ASPM: variants seen among roughly 807,000 people sequenced by gnomAD.
ASPM encodes assembly factor for spindle microtubules, also known as abnormal spindle-like microcephaly-associated protein.
Under a neutral mutation model 366.4 loss-of-function variants are expected in ASPM, and 256 were observed. The ratio of observed to expected loss-of-function variants is 0.70; its 90% CI spans 0.63 to 0.77. The LOEUF is 0.77. Ranked by LOEUF, ASPM falls within the 30% of genes least tolerant of loss-of-function variation. The probability of loss-of-function intolerance (pLI) is 0.00; values close to 1 mark genes in which losing one functional copy is unlikely to be tolerated. For missense variants in ASPM, 4,146 were observed against 4,090.4 expected (o/e 1.01, Z -0.37); for synonymous variants, 1,414 against 1,342.9 (o/e 1.05, Z -1.16).
At chr1:197,129,747 T>C (rs776512779) in intron 8 of ASPM, among the ~76,000 whole-genome samples, 168 bp downstream of exon 8, 8 of 151,928 alleles carry the variant, frequency 5.3e-5, no homozygotes, top group Non-Finnish European at 1.2e-4. Flanking sequence ...TAAATAGTGA[T>C]GGAGGAATTA....
At chr1:197,114,186 G>T (rs1278395599) in intron 17 of ASPM, among the ~76,000 whole-genome samples, 3 of 152,166 alleles carry the variant, frequency 2.0e-5, no homozygotes, top group Admixed American at 1.3e-4. Flanking sequence ...TCTATTAAGT[G>T]TGCAAAACCA....
At chr1:197,124,984 T>A in intron 11 of ASPM, 29 bp from the exon 12 acceptor site, 1 of 1,607,276 alleles carries the variant, frequency 6.2e-7, no homozygotes, top group Non-Finnish European at 8.5e-7. Context: ...TCCATTAGCA[T>A]AATGTACGCA....
chr1:197,146,206 T>G lies in ASPM; in HGVS notation c.232A>C (p.Lys78Gln). The change falls in exon 1 of 28, where the codon AAG becomes CAG. Residue 78 changes from lysine (K) to glutamine (Q), a missense_variant. This residue lies in a region of ASPM where 512 missense variants were observed against 471.7 expected (regional missense o/e 1.09). Transcript: ENST00000367409. Reference sequence around the variant, plus strand: ...TCCGCGGCCGGGAAGTGGGAGATCTTCACTTCTGCCACCTCCTCGTTAGGG... The same window carrying G: ...TCCGCGGCCGGGAAGTGGGAGATCTGCACTTCTGCCACCTCCTCGTTAGGG... ...DNPNEEVAEV[K>Q]ISHFPAADLG... 1 of 1,613,110 alleles carries G rather than the reference T, an allele frequency of 6.2e-7. No homozygotes were observed. Among genetic ancestry groups the G allele is most frequent in the Non-Finnish European group, 8.5e-7 (1 of 1,179,680 alleles).
At chr1:197,136,462 T>C (rs2125110987) in intron 4 of ASPM, among the ~76,000 whole-genome samples, 1 of 152,288 alleles carries the variant, frequency 6.6e-6, no homozygotes, top group South Asian at 2.1e-4. Flanking sequence ...TGGTGTACAA[T>C]GAATAAAGAT....
At position 197,142,508 on chromosome 1, in the gene ASPM, C is replaced by T; in HGVS notation, c.1744G>A (p.Glu582Lys). The T allele has an allele frequency of 6.2e-7, 1 of 1,614,034 alleles. No homozygotes were observed. Among genetic ancestry groups the T allele is most frequent in the Non-Finnish European group, 8.5e-7 (1 of 1,179,892 alleles). Residue 582 changes from glutamate (E) to lysine (K), a missense_variant, in exon 3 of 28, where the codon GAA becomes AAA. Physicochemically the swap from Glu to Lys is moderately conservative, Grantham distance 56. Coordinates refer to ENST00000367409, the MANE Select transcript of ASPM (RefSeq NM_018136.5). ...ATTGCAACTCTCACATTTGCATCTT[C>T]CATGCTTCCATCGCTCTTTCTTTTC... is the stretch of plus-strand genomic sequence containing the variant. The part of the protein sequence containing the change: ...ARKRKSDGSM[E>K]DANVRVAITE...
chr1:197,093,983 C>A (rs1404855622), intron 20 of ASPM, 101 bp downstream of exon 20: 4 of 777,624 alleles, frequency 5.1e-6, no homozygotes, highest in Non-Finnish European at 8.1e-6. Context: ...ACTTTTTTTC[C>A]AGCGAAGGAT....
At position 197,117,904 on chromosome 1, in the gene ASPM, T is replaced by C. The variant is rs2125102495; in HGVS notation, c.3950A>G (p.Asn1317Ser). The C allele has an allele frequency of 6.2e-7, 1 of 1,613,554 alleles. No homozygotes were observed. The highest frequency in any genetic ancestry group is 2.2e-5 in the East Asian group (1 of 44,832). ...LAKQRLRKRV[N>S]AALVIQKYWR... ...ATATTTCTGAATGACGAGTGCTGCATTAACTCTTTTTCTCAATCTTTGTTT... is the reference window on the plus strand; with the variant it reads ...ATATTTCTGAATGACGAGTGCTGCACTAACTCTTTTTCTCAATCTTTGTTT... The change falls in exon 17 of 28, where the codon AAT becomes AGT. Residue 1317 changes from asparagine (N) to serine (S), a missense_variant. Asn to Ser is a conservative substitution (Grantham distance 46). Transcript: ENST00000367409.
intron 7 of ASPM, among the ~76,000 whole-genome samples, chr1:197,130,726 C>T (rs571589686): frequency 3.3e-5 from 5 of 152,214 alleles, no homozygotes; most frequent in African/African-American, 1.2e-4. Context: ...AAAATCCTCA[C>T]GTACATTTAT....
chr1:197,146,360 GCCCCGCAGCCC>G lies in ASPM; in HGVS notation c.67_77del (p.Gly23ProfsTer45). ...AAGACGCCTCCTCCTCGGCCGCGGG[GCCCCGCAGCCC>G]CGCGGGCGGCCTCCGCTCGGTCGGG... On this transcript the variant is annotated frameshift_variant, in exon 1 of 28. Transcript: ENST00000367409. LOFTEE classifies it high-confidence loss of function. 1 of 1,607,952 alleles carries G rather than the reference GCCCCGCAGCCC, an allele frequency of 6.2e-7. No individual in the cohort carries two copies.
At chr1:197,132,251 A>C in intron 7 of ASPM, 34 bp downstream of exon 7, 3 of 1,504,314 alleles carry the variant, frequency 2.0e-6, no homozygotes, top group Non-Finnish European at 2.7e-6. Flanking sequence ...ATAATAAAAA[A>C]ATATTATTTT....
Position 197,135,917 on chromosome 1 carries a change from C to T in ASPM, c.2027-675G>A, listed in dbSNP as rs528126617. Among the ~76,000 whole-genome samples, 8 of 152,090 alleles carry T rather than the reference C, an allele frequency of 5.3e-5. No homozygotes were observed. In the South Asian group the frequency reaches 1.7e-3, roughly 32 times the overall value. On this transcript the variant is annotated intron_variant, in intron 4 of 27. Coordinates refer to ENST00000367409, the MANE Select transcript of ASPM (RefSeq NM_018136.5). ...TCAGTGAGCTGAGATCACACCACTG[C>T]ACTCCAGCCTGGGCAACAGAACAGG...
intron 12 of ASPM, 80 bp downstream of exon 12, chr1:197,124,790 T>G: frequency 8.5e-7 from 1 of 1,170,072 alleles, no homozygotes; most frequent in Non-Finnish European, 1.3e-6. Flanking sequence ...TTGTTGTTAT[T>G]CTTTATTAGA....
chr1:197,138,307 C>G (rs1002702040), intron 4 of ASPM, among the ~76,000 whole-genome samples: 4 of 152,110 alleles, frequency 2.6e-5, no homozygotes, highest in African/African-American at 9.7e-5. Flanking sequence ...GAGTTCACAC[C>G]TTTTTATTTC....
At chr1:197,110,901 T>G (rs2125099432) in intron 17 of ASPM, among the ~76,000 whole-genome samples, 1 of 152,152 alleles carries the variant, frequency 6.6e-6, no homozygotes, top group Non-Finnish European at 1.5e-5. Context: ...AGATTAAAAT[T>G]GGACGCTTTC....
chr1:197,101,124 T>C lies in ASPM; in HGVS notation c.8127A>G (p.Glu2709=), dbSNP rs1657157265. The part of the protein sequence containing the change: ...YRMHRAKVDY[E]TKKTAIVVIQ... ...TAACCACAATTGCAGTTTTCTTTGTTTCATAATCAACTTTGGCCCTGTGCA... is the reference window on the plus strand; with the variant it reads ...TAACCACAATTGCAGTTTTCTTTGTCTCATAATCAACTTTGGCCCTGTGCA... Residue 2709 remains glutamate, a synonymous_variant, in exon 18 of 28, where the codon GAA becomes GAG. Transcript: ENST00000367409. 1.9e-6 allele frequency: 3 copies of C among 1,612,296 alleles called. No homozygotes were observed. Among genetic ancestry groups the C allele is most frequent in the Non-Finnish European group, 2.5e-6 (3 of 1,179,052 alleles).
Position 197,091,916 on chromosome 1 carries a change from G to A in ASPM, c.9435C>T (p.Ile3145=), listed in dbSNP as rs1265509628. 1.9e-6 allele frequency: 3 copies of A among 1,610,048 alleles called. No individual in the cohort carries two copies. In the Admixed American group the frequency reaches 5.0e-5, roughly 27 times the overall value. ...KNANKQVNSV[I]CIQRWFRARL... ...CAAAGAAGAAGCAAACCTGAATACAGATGACTGAATTAACCTGCTTGTTAG... is the reference window on the plus strand; with the variant it reads ...CAAAGAAGAAGCAAACCTGAATACAAATGACTGAATTAACCTGCTTGTTAG... Residue 3145 remains isoleucine (I), a synonymous_variant, in exon 22 of 28, where the codon ATC becomes ATT. Transcript: ENST00000367409.
Position 197,102,422 on chromosome 1 carries a change from T to C in ASPM, c.6829A>G (p.Met2277Val), listed in dbSNP as rs1657224205. Residue 2277 changes from methionine (M) to valine (V), a missense_variant, in exon 18 of 28, where the codon ATG (methionine) becomes GTG (valine). Met to Val is a conservative substitution (Grantham distance 21). Transcript: ENST00000367409. Reference protein sequence around the residue: ...TLIQRRFRTLMMRRRFLSLKK... With the variant: ...TLIQRRFRTLVMRRRFLSLKK... ...AGAGAGAGGAATCTTCTTCTCATCA[T>C]TAGAGTTCTAAATCTCCTCTGAATG... 6 of 1,612,592 alleles carry C rather than the reference T, an allele frequency of 3.7e-6. No homozygotes were observed. Among genetic ancestry groups the C allele is most frequent in the Non-Finnish European group, 5.1e-6 (6 of 1,179,260 alleles).
rs930973811 is a variant in ASPM, at chr1:197,146,625, C to G, written c.-188G>C. ...AAACAGAAAACAAGCCCAATAAACT[C>G]GCAAATTAAAAAGAGGAGCCAAACA... is the stretch of plus-strand genomic sequence containing the variant. On this transcript the variant is annotated 5_prime_UTR_variant, in exon 1 of 28. Coordinates refer to ENST00000367409, the MANE Select transcript of ASPM (RefSeq NM_018136.5). 6 of 650,626 alleles carry G rather than the reference C, an allele frequency of 9.2e-6. No homozygotes were observed. Among genetic ancestry groups the G allele is most frequent in the African/African-American group, 1.8e-5 (1 of 54,554 alleles). 40.3% of individuals were successfully genotyped at this position (650,626 alleles called of 1,614,324 possible). A position where few individuals can be genotyped will look rare whatever the true frequency, so the allele number is the denominator to read the frequency against.
rs149901179 is a variant in ASPM, at chr1:197,104,203, A to C, written c.5048T>G (p.Ile1683Arg). Residue 1683 changes from isoleucine (I) to arginine (R), a missense_variant, in exon 18 of 28, where the codon ATA (isoleucine) becomes AGA (arginine). By Grantham distance (97) the Ile-to-Arg change is moderately conservative. Transcript: ENST00000367409. The stretch of plus-strand genomic sequence containing the variant: ...CATCTTAACAGTTGACTGCAATTTT[A>C]TTGTAGCATTTTTTAGGCTCAAAAA... ...KEFLSLKNAT[I>R]KLQSTVKMKQ... 1.7e-5 allele frequency: 27 copies of C among 1,612,436 alleles called. No individual in the cohort carries two copies. The highest frequency in any genetic ancestry group is 2.3e-5 in the Non-Finnish European group (27 of 1,179,260).
Sources: allele counts gnomAD v4.1 joint callset (sites outside exome capture counted in the v4.1 genomes callset), GRCh38; gene constraint gnomAD v4.1.1; regional missense constraint gnomAD v4.1.1; transcripts MANE v1.5; gene names NCBI Gene and HGNC (gene_info 2026-07-23, HGNC 2026-07-21).